Variants in SNX19 observed in about 807,000 individuals in gnomAD.
SNX19 encodes the protein sorting nexin 19.
Under a neutral mutation model 85.2 loss-of-function variants are expected in SNX19, and 60 were observed. That is an observed-to-expected ratio of 0.70 (90% CI 0.57 to 0.87). The LOEUF (loss-of-function observed/expected upper bound fraction) is 0.87. SNX19 is among the 40% of genes least tolerant of loss of function. The probability of loss-of-function intolerance (pLI) is 0.00; values close to 1 mark genes in which losing one functional copy is unlikely to be tolerated. For missense variants in SNX19, 1,201 were observed against 1,217.8 expected, an observed-to-expected ratio of 0.99 and a Z score of 0.21; for synonymous variants, 520 against 470.0, an observed-to-expected ratio of 1.11 and a Z score of -1.38.
intron 8 of SNX19, among the ~76,000 whole-genome samples, chr11:130,890,667 TTC>T (rs968330206): frequency 6.6e-6 from 1 of 151,386 alleles, no homozygotes; most frequent in Non-Finnish European, 1.5e-5. Flanking sequence ...GCCTTGAATG[TTC>T]TCTCTCTCTC....
rs1354180168 is a variant in SNX19, at chr11:130,871,105, A to G, written c.*7317T>C. On this transcript the variant is annotated 3_prime_UTR_variant, in exon 11 of 11. Coordinates refer to ENST00000265909, the MANE Select transcript of SNX19 (RefSeq NM_014758.3). ...ACCACGTGGAAGGAAGGACATGAAC[A>G]AAAAAATGAAAGCAGGAAGGAACAT... Among the ~76,000 whole-genome samples the G allele has an allele frequency of 6.6e-6, 1 of 152,150 alleles. No individual in the cohort carries two copies.
intron 7 of SNX19, among the ~76,000 whole-genome samples, chr11:130,904,784 A>G (rs769452712): frequency 2.0e-5 from 3 of 151,820 alleles, no homozygotes; most frequent in Non-Finnish European, 4.4e-5. Context: ...CTCTAGAGAT[A>G]TGATGTTCAA....
intron 8 of SNX19, among the ~76,000 whole-genome samples, chr11:130,883,408 G>C (rs758402616): frequency 2.6e-5 from 4 of 152,100 alleles, no homozygotes; most frequent in Non-Finnish European, 5.9e-5. Flanking sequence ...TGGCCAACAG[G>C]AGGCCCTGGA....
intron 7 of SNX19, 25 bp from the exon 8 acceptor site, chr11:130,903,409 G>T (rs777675595): frequency 1.3e-5 from 21 of 1,610,830 alleles, no homozygotes; most frequent in Admixed American, 8.4e-5. Context: ...GGCATCAGGA[G>T]TAACTCAGAA....
rs970112276 is a variant in SNX19, at chr11:130,866,404, T to C, written c.*12018A>G. 1 of 152,180 alleles carries C rather than the reference T, an allele frequency of 6.6e-6. No homozygotes were observed. The highest frequency in any genetic ancestry group is 1.5e-5 in the Non-Finnish European group (1 of 68,032). 9.4% of individuals were successfully genotyped at this position (152,180 alleles called of 1,614,324 possible). On this transcript the variant is annotated 3_prime_UTR_variant, in exon 11 of 11. Transcript: ENST00000265909. ...TAAGACAAATGGTCAAATATTCAAA[T>C]GGCCTGGCACTAGTGGTAATTCCAG...
intron 8 of SNX19, chr11:130,895,086 A>G (rs1471837504): frequency 1.0e-6 from 1 of 985,240 alleles, no homozygotes; most frequent in Admixed American, 6.2e-5. Context: ...ACAGCAGGAG[A>G]TGCTTCCAGA....
intron 8 of SNX19, chr11:130,895,176 A>G (rs1201570914): frequency 1.5e-5 from 15 of 985,346 alleles, no homozygotes; most frequent in African/African-American, 1.7e-5. Context: ...GGAGAGAGCC[A>G]TTAGAATGGG....
chr11:130,887,387 T>C (rs1944167054), intron 8 of SNX19, among the ~76,000 whole-genome samples: 1 of 152,192 alleles, frequency 6.6e-6, no homozygotes, highest in Non-Finnish European at 1.5e-5. Context: ...TATAAGAACA[T>C]ACAACTTGAG....
At chr11:130,886,362 G>A (rs997504403) in intron 8 of SNX19, among the ~76,000 whole-genome samples, 1 of 152,222 alleles carries the variant, frequency 6.6e-6, no homozygotes, top group East Asian at 1.9e-4. Flanking sequence ...TGCTCACAGT[G>A]GGCTGCAACG....
chr11:130,910,617 T>C (rs1946032379), intron 2 of SNX19, among the ~76,000 whole-genome samples: 1 of 152,144 alleles, frequency 6.6e-6, no homozygotes, highest in Non-Finnish European at 1.5e-5. Flanking sequence ...ATAATGATGA[T>C]CTTAGGCCAT....
intron 8 of SNX19, among the ~76,000 whole-genome samples, chr11:130,886,106 G>C (rs1479632232): frequency 6.6e-6 from 1 of 152,136 alleles, no homozygotes; most frequent in Non-Finnish European, 1.5e-5. Flanking sequence ...CTTAGACCCA[G>C]GGACTTTTGG....
intron 8 of SNX19, among the ~76,000 whole-genome samples, chr11:130,884,640 G>A (rs1349614603): frequency 6.6e-6 from 1 of 152,092 alleles, no homozygotes. Flanking sequence ...GGCTGAGGCG[G>A]GCAGATCACC....
Position 130,911,622 on chromosome 11 carries a change from A to G in SNX19, c.1813+11T>C, listed in dbSNP as rs1317701238. On this transcript the variant is annotated intron_variant, in intron 2 of 10. Transcript: ENST00000265909. ...AGCAAGCGGGCAGTAGGGGTTGGGG[A>G]AACTCCTGACTTTTGATGAACTTTC... 1 of 1,613,884 alleles carries G rather than the reference A, an allele frequency of 6.2e-7. No individual in the cohort carries two copies. Among genetic ancestry groups the G allele is most frequent in the African/African-American group, 1.3e-5 (1 of 74,908 alleles).
At chr11:130,895,610 A>G (rs1261632583) in intron 8 of SNX19, among the ~76,000 whole-genome samples, 1 of 152,194 alleles carries the variant, frequency 6.6e-6, no homozygotes, top group Non-Finnish European at 1.5e-5. Flanking sequence ...TGACTTGGAA[A>G]AAAAGGCTCT....
chr11:130,884,594 A>G (rs1428748626), intron 8 of SNX19, among the ~76,000 whole-genome samples: 1 of 152,194 alleles, frequency 6.6e-6, no homozygotes, highest in African/African-American at 2.4e-5. Context: ...TAGGCCGGGC[A>G]TAGTGGCTCA....
In SNX19 at chr11:130,879,757, T is replaced by G. The variant is rs765260422; in HGVS notation, c.2759-46A>C. 3 of 1,560,340 alleles carry G rather than the reference T, an allele frequency of 1.9e-6. No homozygotes were observed. In the Admixed American group the frequency reaches 5.0e-5, roughly 26 times the overall value. Reference sequence around the variant, plus strand: ...GGAATTTGCGTGTTATCACTGAAGTTTTAGATTCTAAGGACAGTCTCTCCC... The same window carrying G: ...GGAATTTGCGTGTTATCACTGAAGTGTTAGATTCTAAGGACAGTCTCTCCC... On this transcript the variant is annotated intron_variant, in intron 9 of 10. Transcript: ENST00000265909.
chr11:130,914,213 T>C (rs2135425248), intron 1 of SNX19, 53 bp downstream of exon 1: 1 of 1,469,842 alleles, frequency 6.8e-7, no homozygotes, highest in Non-Finnish European at 9.1e-7. Flanking sequence ...TCATGACTGC[T>C]TTCCAAACCC....
At position 130,903,276 on chromosome 11, in the gene SNX19, A is replaced by G. The variant is rs761315428; in HGVS notation, c.2552T>C (p.Ile851Thr). 10 of 1,613,776 alleles carry G rather than the reference A, an allele frequency of 6.2e-6. No homozygotes were observed. The highest frequency in any genetic ancestry group is 5.0e-5 in the Admixed American group (3 of 60,004). The change falls in exon 8 of 11, where the codon ATC becomes ACC. Residue 851 changes from isoleucine (I) to threonine (T), a missense_variant. Physicochemically the swap from Ile to Thr is moderately conservative, Grantham distance 89 (BLOSUM62 -1). Transcript: ENST00000265909. ...TENMQKFLRL[I>T]FGTLVQRWLE... Reference sequence around the variant, plus strand: ...TTACCTTTGAACTAGGGTCCCAAAGATAAGACGAAGAAACTTTTGCATGTT... The same window carrying G: ...TTACCTTTGAACTAGGGTCCCAAAGGTAAGACGAAGAAACTTTTGCATGTT...
rs747299722 is a variant in SNX19, at chr11:130,915,297, C to T, written c.643G>A (p.Val215Ile). Reference protein sequence around the residue: ...PSAEVTYTRGVVNLLLQGLVP... With the variant: ...PSAEVTYTRGIVNLLLQGLVP... ...AGCCCTTGAAGCAACAAATTCACAA[C>T]GCCACGCGTATAGGTGACTTCAGCA... The change falls in exon 1 of 11, where the codon GTT (valine) becomes ATT (isoleucine). Residue 215 changes from valine to isoleucine, a missense_variant. By Grantham distance (29) the Val-to-Ile change is conservative (BLOSUM62 3). This residue lies in a region of SNX19 where 791 missense variants were observed against 750.9 expected (regional missense o/e 1.05). Coordinates refer to ENST00000265909, the MANE Select transcript of SNX19 (RefSeq NM_014758.3). 6.8e-6 allele frequency: 11 copies of T among 1,614,076 alleles called. No individual in the cohort carries two copies. Among genetic ancestry groups the T allele is most frequent in the African/African-American group, 2.7e-5 (2 of 74,938 alleles).
Sources: allele counts gnomAD v4.1 joint callset (sites outside exome capture counted in the v4.1 genomes callset), GRCh38; gene constraint gnomAD v4.1.1; regional missense constraint gnomAD v4.1.1; transcripts MANE v1.5; gene names NCBI Gene and HGNC (gene_info 2026-07-23, HGNC 2026-07-21).